FAM83F: variants seen among roughly 807,000 people sequenced by gnomAD.
FAM83F encodes protein FAM83F.
FAM83F carries 45 observed loss-of-function variants against 42.9 expected under a neutral mutation model. The observed-to-expected ratio is 1.05, with a 90% confidence interval of 0.83 to 1.35. The LOEUF (loss-of-function observed/expected upper bound fraction) is 1.35. FAM83F is among the 40% of genes most tolerant of loss of function. The pLI is 0.00. For synonymous variants in FAM83F, 306 were observed against 298.3 expected (o/e 1.03, Z -0.27); for missense variants, 617 against 695.9 (o/e 0.89, Z 1.28).
rs147445180 is a variant in FAM83F, at chr22:40,032,901, T to C, written c.*3336T>C. 6.6e-6 allele frequency: 1 copy of C among 152,144 alleles called. No individual in the cohort carries two copies. Among genetic ancestry groups the C allele is most frequent in the African/African-American group, 2.4e-5 (1 of 41,424 alleles). The allele number at this position is 152,144 out of a possible 1,614,324, so 9.4% of individuals were successfully genotyped here. ...GTTTTGTTTTTGTTTACTACTGTAT[T>C]GCTTTTCTCTTTTTCATATTTATTG... On this transcript the variant is annotated 3_prime_UTR_variant, in exon 5 of 5. Coordinates refer to ENST00000333407, the MANE Select transcript of FAM83F (RefSeq NM_138435.4).
At chr22:40,006,708 A>G (rs540713300) in intron 1 of FAM83F, among the ~76,000 whole-genome samples, 1 of 152,296 alleles carries the variant, frequency 6.6e-6, no homozygotes, top group African/African-American at 2.4e-5. Context: ...TTGGACGCAC[A>G]TGAAGGGTCT....
Position 40,029,029 on chromosome 22 carries a change from AG to A in FAM83F, c.1454-485del, listed in dbSNP as rs2067571225. On this transcript the variant is annotated intron_variant, in intron 4 of 4. Transcript: ENST00000333407. Reference sequence around the variant, plus strand: ...GAGAAGGACCGCAGTCTTACTTTGCAGGCGGTGGAGCTGCATGTACTAGCTG... The same window carrying A: ...GAGAAGGACCGCAGTCTTACTTTGCAGCGGTGGAGCTGCATGTACTAGCTG... 2.0e-5 allele frequency among the ~76,000 whole-genome samples: 3 copies of A among 148,630 alleles called. No individual in the cohort carries two copies. In the South Asian group the frequency reaches 6.4e-4, roughly 32 times the overall value.
chr22:39,996,902 T>C (rs1022990712), intron 1 of FAM83F, among the ~76,000 whole-genome samples: 1 of 152,190 alleles, frequency 6.6e-6, no homozygotes, highest in African/African-American at 2.4e-5. Context: ...GGAAAAAGGA[T>C]GTAGGCGGCA....
At chr22:40,020,097 A>T in intron 3 of FAM83F, 89 bp downstream of exon 3, 5 of 1,517,964 alleles carry the variant, frequency 3.3e-6, no homozygotes, top group Non-Finnish European at 4.4e-6. Flanking sequence ...CTCCGTCATC[A>T]TGAGTGTGTA....
intron 1 of FAM83F, among the ~76,000 whole-genome samples, chr22:40,003,731 A>G (rs1276665563): frequency 6.6e-6 from 1 of 152,118 alleles, no homozygotes; most frequent in Non-Finnish European, 1.5e-5. Context: ...CCATAATCTT[A>G]GCCCTGGAAG....
intron 4 of FAM83F, among the ~76,000 whole-genome samples, chr22:40,028,271 G>A (rs1394998110): frequency 6.6e-6 from 1 of 152,260 alleles, no homozygotes; most frequent in Admixed American, 6.5e-5. Flanking sequence ...GTGGGTCACA[G>A]TGCAGTGGGC....
At position 40,023,396 on chromosome 22, in the gene FAM83F, A is replaced by G. The variant is rs2067533395; in HGVS notation, c.1453+1433A>G. ...TGCTCTGTACCTCTGGTTTGGAGGA[A>G]GGGTTGCCATGGTGAACACCTGGCA... On this transcript the variant is annotated intron_variant, in intron 4 of 4. Coordinates refer to ENST00000333407, the MANE Select transcript of FAM83F (RefSeq NM_138435.4). The surrounding 1 kb of genome is among the most constrained non-coding windows in gnomAD (Gnocchi z 4.1). Among the ~76,000 whole-genome samples the G allele has an allele frequency of 6.6e-6, 1 of 152,072 alleles. No homozygotes were observed. Among genetic ancestry groups the G allele is most frequent in the Non-Finnish European group, 1.5e-5 (1 of 67,996 alleles).
chr22:40,026,659 CT>C (rs2067554841), intron 4 of FAM83F, among the ~76,000 whole-genome samples: 2 of 152,184 alleles, frequency 1.3e-5, no homozygotes, highest in African/African-American at 4.8e-5. Context: ...CCTCGGGGTC[CT>C]TTCCTGCCCC....
At chr22:40,016,049 C>G (rs1569233295) in intron 1 of FAM83F, among the ~76,000 whole-genome samples, 1 of 152,104 alleles carries the variant, frequency 6.6e-6, no homozygotes, top group Non-Finnish European at 1.5e-5. Context: ...TCCCGGGACA[C>G]ACTTCCAGGT....
intron 1 of FAM83F, among the ~76,000 whole-genome samples, chr22:40,014,131 C>CTT (rs57224519): frequency 0.25 from 29,173 of 116,544 alleles, 3,721 homozygotes; most frequent in African/African-American, 0.27. Flanking sequence ...TATTTCTTTT[C>CTT]TTTTTTTTTT....
intron 1 of FAM83F, among the ~76,000 whole-genome samples, chr22:40,007,818 T>C (rs2067444274): frequency 6.6e-6 from 1 of 152,088 alleles, no homozygotes; most frequent in South Asian, 2.1e-4. Flanking sequence ...GCATAAACAT[T>C]GGTGATAATT....
rs1490170687 is a variant in FAM83F, at chr22:40,023,166, C to T, written c.1453+1203C>T. Among the ~76,000 whole-genome samples, 1 of 152,232 alleles carries T rather than the reference C, an allele frequency of 6.6e-6. No homozygotes were observed. On this transcript the variant is annotated intron_variant, in intron 4 of 4. Transcript: ENST00000333407. This position sits in a 1 kb window ranked among gnomAD's most constrained non-coding sequence, Gnocchi z 4.1. ...TCTCTCTCCCCTTCTGCCCCCACAA[C>T]CACCCTTCAAGCACAGAGGTGGCAG...
Position 40,030,887 on chromosome 22 carries a change from C to T in FAM83F, c.*1322C>T, listed in dbSNP as rs1177372682. On this transcript the variant is annotated 3_prime_UTR_variant, in exon 5 of 5. Transcript: ENST00000333407. Reference sequence around the variant, plus strand: ...AAAAACCCTAGGACACTACCAGCACCTGGGGGAGGGGTACAGATGTCTGCA... The same window carrying T: ...AAAAACCCTAGGACACTACCAGCACTTGGGGGAGGGGTACAGATGTCTGCA... The T allele has an allele frequency of 6.6e-6, 1 of 152,336 alleles. No homozygotes were observed. The highest frequency in any genetic ancestry group is 1.5e-5 in the Non-Finnish European group (1 of 68,158). 9.4% of individuals were successfully genotyped at this position (152,336 alleles called of 1,614,324 possible). A position where few individuals can be genotyped will look rare whatever the true frequency, so the allele number is the denominator to read the frequency against.
chr22:40,021,795 C>CG lies in FAM83F; in HGVS notation c.1291dup (p.Glu431GlyfsTer36). ...CCGAAACGGCATGGGAGAAGCGGCC[C>CG]GGGGGGAGGCCGCCCCCGCCAGGCG... is the stretch of plus-strand genomic sequence containing the variant. On this transcript the variant is annotated frameshift_variant, in exon 4 of 5. Transcript: ENST00000333407. LOFTEE classifies it high-confidence loss of function. This position sits in a 1 kb window ranked among gnomAD's most constrained non-coding sequence, Gnocchi z 8.7. 3 of 1,612,536 alleles carry CG rather than the reference C, an allele frequency of 1.9e-6. No individual in the cohort carries two copies. Among genetic ancestry groups the CG allele is most frequent in the Non-Finnish European group, 8.5e-7 (1 of 1,179,660 alleles).
chr22:39,994,987 G>A lies in FAM83F; in HGVS notation c.-56G>A. 1 of 1,213,406 alleles carries A rather than the reference G, an allele frequency of 8.2e-7. No homozygotes were observed. The highest frequency in any genetic ancestry group is 1.0e-6 in the Non-Finnish European group (1 of 981,062). The allele number at this position is 1,213,406 out of a possible 1,614,324, so 75.2% of individuals were successfully genotyped here. On this transcript the variant is annotated 5_prime_UTR_variant, in exon 1 of 5. Coordinates refer to ENST00000333407, the MANE Select transcript of FAM83F (RefSeq NM_138435.4). ...CCTCGGCGGCTCCAGGTGCGGCTGTGGGACCTCGGACCGCGGCGGGGCCGG... is the reference window on the plus strand; with the variant it reads ...CCTCGGCGGCTCCAGGTGCGGCTGTAGGACCTCGGACCGCGGCGGGGCCGG...
In FAM83F at chr22:39,997,642, G is replaced by T. The variant is rs139693191; in HGVS notation, c.489+2111G>T. ...GAGTTGCAGAATTGGAAAGGGAGAGGGTCAACTGGAATGGGCACTGTTTCA... is the reference window on the plus strand; with the variant it reads ...GAGTTGCAGAATTGGAAAGGGAGAGTGTCAACTGGAATGGGCACTGTTTCA... On this transcript the variant is annotated intron_variant, in intron 1 of 4. Transcript: ENST00000333407. 2.9e-3 allele frequency among the ~76,000 whole-genome samples: 445 copies of T among 152,246 alleles called. 1 individual carries two copies. Among genetic ancestry groups the T allele is most frequent in the Non-Finnish European group, 4.6e-3 (310 of 68,022 alleles).
At chr22:40,018,627 T>C (rs2067503581) in intron 1 of FAM83F, among the ~76,000 whole-genome samples, 1 of 149,868 alleles carries the variant, frequency 6.7e-6, no homozygotes, top group South Asian at 2.1e-4. Flanking sequence ...TTTTTCGCTC[T>C]TGTTGCCCTG....
In FAM83F at chr22:40,029,512, G is replaced by A. The variant is rs1004760911; in HGVS notation, c.1454-4G>A. ...TTCCCCGCCTCTGTCCCTTGCCTCT[G>A]CAGGTAAAACAAGTCCCAGTTCTGC... is the stretch of plus-strand genomic sequence containing the variant. On this transcript the variant is annotated splice_polypyrimidine_tract_variant and splice_region_variant and intron_variant, in intron 4 of 4. Coordinates refer to ENST00000333407, the MANE Select transcript of FAM83F (RefSeq NM_138435.4). 6.2e-7 allele frequency: 1 copy of A among 1,611,438 alleles called. No individual in the cohort carries two copies.
At chr22:40,007,605 T>C (rs1601764866) in intron 1 of FAM83F, among the ~76,000 whole-genome samples, 2 of 39,388 alleles carry the variant, frequency 5.1e-5, no homozygotes, top group African/African-American at 1.9e-4. Flanking sequence ...CTCCTCCTCC[T>C]CTCTTCTCCT....
Sources: gnomAD v4.1 joint callset for allele counts (sites outside exome capture counted in the v4.1 genomes callset) on GRCh38, gnomAD v4.1.1 for gene constraint, Gnocchi (gnomAD v3.1) non-coding constraint, MANE v1.5 for transcripts, NCBI Gene and HGNC (gene_info 2026-07-23, HGNC 2026-07-21) for gene names.